Variants in SHANK2 observed in about 807,000 individuals in gnomAD.
The protein encoded by SHANK2 is SH3 and multiple ankyrin repeat domains 2, also known as SH3 and multiple ankyrin repeat domains protein 2.
In SHANK2, 43 loss-of-function variants were observed where a neutral mutation model predicts 133.7. The observed-to-expected ratio is 0.32, with a 90% confidence interval of 0.25 to 0.41. The LOEUF (loss-of-function observed/expected upper bound fraction) is 0.41, where lower values mean the gene tolerates loss of function less well. Ranked by LOEUF, SHANK2 falls within the 10% of genes least tolerant of loss-of-function variation. The probability of loss-of-function intolerance (pLI) is 1.00; values close to 1 mark genes in which losing one functional copy is unlikely to be tolerated. For synonymous variants in SHANK2, 1,017 were observed against 952.8 expected, an observed-to-expected ratio of 1.07 and a Z score of -1.24; for missense variants, 1,994 against 2,235.8, an observed-to-expected ratio of 0.89 and a Z score of 2.18.
At chr11:70,757,769 G>A (rs899263174) in intron 14 of SHANK2, among the ~76,000 whole-genome samples, 9 of 152,076 alleles carry the variant, frequency 5.9e-5, no homozygotes, top group Non-Finnish European at 1.2e-4. Context: ...CGAGTCCTGC[G>A]AGTCCTTCCA....
chr11:70,665,289 CA>C (rs575342306), intron 15 of SHANK2, among the ~76,000 whole-genome samples: 264 of 152,238 alleles, frequency 1.7e-3, no homozygotes, highest in African/African-American at 6.1e-3. Flanking sequence ...TACAGGCACA[CA>C]CCACCATGCC....
At chr11:71,059,663 A>T (rs1950963536) in intron 9 of SHANK2, among the ~76,000 whole-genome samples, 2 of 152,194 alleles carry the variant, frequency 1.3e-5, no homozygotes, top group African/African-American at 4.8e-5. Context: ...CCTCCACCCC[A>T]TGATGGTGAT....
chr11:71,205,917 A>C (rs1954118062), intron 2 of SHANK2, among the ~76,000 whole-genome samples: 2 of 151,164 alleles, frequency 1.3e-5, no homozygotes, highest in Non-Finnish European at 2.9e-5. Context: ...GTGTCCCCCC[A>C]GGGCTGCAGC....
intron 14 of SHANK2, among the ~76,000 whole-genome samples, chr11:70,749,290 A>C (rs1232288524): frequency 6.6e-6 from 1 of 152,238 alleles, no homozygotes; most frequent in Admixed American, 6.5e-5. Context: ...CAAAAGCCCC[A>C]GGCTGACCCC....
intron 14 of SHANK2, among the ~76,000 whole-genome samples, chr11:70,699,246 T>TAA (rs57742347): frequency 2.2e-5 from 3 of 136,446 alleles, no homozygotes; most frequent in African/African-American, 5.4e-5. Context: ...TCCTTTCTCC[T>TAA]AAAAAAAAAA....
chr11:70,687,909 A>G (rs1555020038), intron 15 of SHANK2, among the ~76,000 whole-genome samples: 2 of 152,016 alleles, frequency 1.3e-5, no homozygotes, highest in Non-Finnish European at 2.9e-5. Context: ...TGTCCCCACC[A>G]TCCACCCACT....
At chr11:70,729,459 C>T (rs559238383) in intron 14 of SHANK2, among the ~76,000 whole-genome samples, 230 of 151,242 alleles carry the variant, frequency 1.5e-3, no homozygotes, top group African/African-American at 5.3e-3. Flanking sequence ...CTGGAGTGAG[C>T]GAGAGAGAGG....
chr11:70,501,936 T>G lies in SHANK2; in HGVS notation c.2279-5A>C, dbSNP rs544897490. 6.4e-7 allele frequency: 1 copy of G among 1,558,984 alleles called. No homozygotes were observed. The highest frequency in any genetic ancestry group is 1.9e-5 in the Admixed American group (1 of 52,262). On this transcript the variant is annotated splice_region_variant and splice_polypyrimidine_tract_variant and intron_variant, in intron 19 of 25. Coordinates refer to ENST00000601538, the MANE Select transcript of SHANK2 (RefSeq NM_012309.5). The stretch of plus-strand genomic sequence containing the variant: ...GGGGCTGCTTACCTTTATCCACTAG[T>G]GAGAGGCCCAAAAATTCAAAACAAA...
intron 1 of SHANK2, among the ~76,000 whole-genome samples, chr11:71,227,749 C>G (rs1954664864): frequency 2.6e-5 from 4 of 152,098 alleles, no homozygotes; most frequent in African/African-American, 9.7e-5. Context: ...CACTGTACTA[C>G]AGCAGAATTC....
intron 17 of SHANK2, among the ~76,000 whole-genome samples, chr11:70,643,766 T>C (rs564150039): frequency 2.3e-4 from 35 of 152,236 alleles, no homozygotes; most frequent in African/African-American, 8.4e-4. Context: ...GTGCTTTCTC[T>C]TGTAGGTGAG....
At chr11:71,216,990 A>T (rs1418588792) in intron 2 of SHANK2, among the ~76,000 whole-genome samples, 21 of 151,974 alleles carry the variant, frequency 1.4e-4, no homozygotes, top group Non-Finnish European at 1.5e-4. Flanking sequence ...TGAGGTCAGG[A>T]GTTTGAGACC....
chr11:70,715,862 G>T (rs1945905713), intron 14 of SHANK2, among the ~76,000 whole-genome samples: 1 of 152,202 alleles, frequency 6.6e-6, no homozygotes, highest in African/African-American at 2.4e-5. Flanking sequence ...GGAGTCGCCA[G>T]TGGGGAGGAG....
chr11:70,761,759 T>C (rs1227845805), intron 14 of SHANK2, among the ~76,000 whole-genome samples: 2 of 152,220 alleles, frequency 1.3e-5, no homozygotes, highest in Non-Finnish European at 2.9e-5. Context: ...CTGTGCTCCA[T>C]GGGCCACGTT....
At chr11:70,556,857 G>A (rs1362092343) in intron 17 of SHANK2, among the ~76,000 whole-genome samples, 1 of 151,904 alleles carries the variant, frequency 6.6e-6, no homozygotes, top group Admixed American at 6.6e-5. Context: ...CTCCTAAAGT[G>A]AGCCATCGCT....
intron 14 of SHANK2, among the ~76,000 whole-genome samples, chr11:70,736,215 G>A (rs782462891): frequency 2.6e-5 from 4 of 152,092 alleles, no homozygotes; most frequent in African/African-American, 4.8e-5. Context: ...GTGGCCAACC[G>A]CTCGTTTCAG....
chr11:70,705,969 G>T (rs930361901), intron 14 of SHANK2: 1 of 152,258 alleles, frequency 6.6e-6, no homozygotes, highest in South Asian at 2.1e-4. Context: ...GCTGCTTAAC[G>T]TTTTCCAACA....
At chr11:70,773,311 T>C (rs531414601) in intron 14 of SHANK2, among the ~76,000 whole-genome samples, 1 of 152,316 alleles carries the variant, frequency 6.6e-6, no homozygotes, top group Admixed American at 6.5e-5. Context: ...TGAAGCGTTA[T>C]TCACAAGAGG....
At chr11:70,553,727 A>G (rs781815020) in intron 17 of SHANK2, among the ~76,000 whole-genome samples, 4 of 152,248 alleles carry the variant, frequency 2.6e-5, no homozygotes, top group Non-Finnish European at 5.9e-5. Context: ...AGACAATGTC[A>G]GAGGTTTGCT....
chr11:71,078,403 A>G (rs1951248556), intron 8 of SHANK2, among the ~76,000 whole-genome samples: 4 of 152,230 alleles, frequency 2.6e-5, no homozygotes, highest in Admixed American at 6.5e-5. Context: ...AGGATTAAAA[A>G]AAAATCTCCA....
Sources: allele counts gnomAD v4.1 joint callset (sites outside exome capture counted in the v4.1 genomes callset), GRCh38; gene constraint gnomAD v4.1.1; transcripts MANE v1.5; gene names NCBI Gene and HGNC (gene_info 2026-07-23, HGNC 2026-07-21).